CLCN1: variants seen among roughly 807,000 people sequenced by gnomAD.
CLCN1 encodes chloride channel protein 1.
Under a neutral mutation model 114.5 loss-of-function variants are expected in CLCN1, and 100 were observed. That is an observed-to-expected ratio of 0.87 (90% confidence interval 0.74 to 1.03). The LOEUF is 1.03. Ranked by LOEUF, CLCN1 falls within the 50% of genes least tolerant of loss-of-function variation. The pLI is 0.00. For synonymous variants in CLCN1, 485 were observed against 487.1 expected (o/e 1.00, Z 0.06); for missense variants, 1,188 against 1,250.0 (o/e 0.95, Z 0.75).
At chr7:143,323,507 A>C (rs1163474087) in intron 6 of CLCN1, 121 bp downstream of exon 6, 3 of 774,278 alleles carry the variant, frequency 3.9e-6, no homozygotes, top group Non-Finnish European at 7.1e-6. Context: ...GCAGCATCGC[A>C]CTAATCCACG....
chr7:143,321,244 C>G lies in CLCN1; in HGVS notation c.434-121C>G, dbSNP rs1802422670. ...TCCCATGTGTCAAATGAGAGCAGCA[C>G]CATCTCAGAAGGGGCACACAGAAGG... On this transcript the variant is annotated intron_variant, in intron 3 of 22. Transcript: ENST00000343257. This position sits in a 1 kb window ranked among gnomAD's most constrained non-coding sequence, Gnocchi z 4.2. 1.7e-6 allele frequency: 2 copies of G among 1,172,654 alleles called. No homozygotes were observed. Among genetic ancestry groups the G allele is most frequent in the Non-Finnish European group, 1.2e-6 (1 of 808,212 alleles). 72.6% of individuals were successfully genotyped at this position (1,172,654 alleles called of 1,614,324 possible).
intron 12 of CLCN1, among the ~76,000 whole-genome samples, chr7:143,333,991 G>T (rs1431876045): frequency 6.6e-6 from 1 of 152,146 alleles, no homozygotes; most frequent in East Asian, 1.9e-4. Context: ...AGAGAGGTGG[G>T]TCATCTGAGG....
chr7:143,339,478 G>T lies in CLCN1; in HGVS notation c.1472-33G>T, dbSNP rs750791080. On this transcript the variant is annotated intron_variant, in intron 13 of 22. Coordinates refer to ENST00000343257, the MANE Select transcript of CLCN1 (RefSeq NM_000083.3). The surrounding 1 kb of genome is among the most constrained non-coding windows in gnomAD (Gnocchi z 4.1). The stretch of plus-strand genomic sequence containing the variant: ...ACTGAGAGCAAGGAACTTGGATCTC[G>T]TAACACCTTCCTTCCTTTTATCTTC... 2 of 1,550,188 alleles carry T rather than the reference G, an allele frequency of 1.3e-6. No individual in the cohort carries two copies. The highest frequency in any genetic ancestry group is 2.2e-5 in the South Asian group (2 of 89,754).
In CLCN1 at chr7:143,339,351, G is replaced by C; in HGVS notation, c.1471+29G>C. 1.3e-6 allele frequency: 2 copies of C among 1,557,710 alleles called. No individual in the cohort carries two copies. The highest frequency in any genetic ancestry group is 1.8e-6 in the Non-Finnish European group (2 of 1,128,648). ...AGTTCTGATGGGAAGCCTGGGGTCTGACTGAGAGTTGCAATCTAGGATACA... is the reference window on the plus strand; with the variant it reads ...AGTTCTGATGGGAAGCCTGGGGTCTCACTGAGAGTTGCAATCTAGGATACA... On this transcript the variant is annotated intron_variant, in intron 13 of 22. Transcript: ENST00000343257. The surrounding 1 kb of genome is among the most constrained non-coding windows in gnomAD (Gnocchi z 4.1).
chr7:143,345,894 TCTGGTAA>T (rs1803229961), intron 17 of CLCN1, 132 bp downstream of exon 17: 2 of 1,264,526 alleles, frequency 1.6e-6, no homozygotes, highest in Admixed American at 2.2e-5. Flanking sequence ...GAGGGGAGAG[TCTGGTAA>T]CTGAGAAAGC....
intron 20 of CLCN1, among the ~76,000 whole-genome samples, chr7:143,349,794 G>A (rs547024286): frequency 1.3e-5 from 2 of 152,318 alleles, no homozygotes; most frequent in East Asian, 3.9e-4. Flanking sequence ...AAATGCAGAG[G>A]TAAGACAGAT....
At chr7:143,332,191 T>C (rs908738717) in intron 10 of CLCN1, among the ~76,000 whole-genome samples, 4 of 152,332 alleles carry the variant, frequency 2.6e-5, no homozygotes, top group African/African-American at 7.2e-5. Flanking sequence ...CTTGAACTTG[T>C]GACCTAAGGT....
At chr7:143,325,474 A>G (rs1311055196) in intron 7 of CLCN1, among the ~76,000 whole-genome samples, 1 of 152,252 alleles carries the variant, frequency 6.6e-6, no homozygotes, top group African/African-American at 2.4e-5. Context: ...TAAGGAACCC[A>G]AGTTAGCAAG....
chr7:143,343,710 C>T (rs1287359044), intron 16 of CLCN1, among the ~76,000 whole-genome samples: 1 of 151,582 alleles, frequency 6.6e-6, no homozygotes, highest in Admixed American at 6.6e-5. Context: ...TCCTTCCTTT[C>T]TTTCTCTTTC....
At chr7:143,319,704 A>ATTT in intron 1 of CLCN1, 51 bp from the exon 2 acceptor site, 4 of 1,602,434 alleles carry the variant, frequency 2.5e-6, no homozygotes, top group Admixed American at 1.7e-5. Flanking sequence ...TCTGTCTATT[A>ATTT]TTTTTTTAGT....
chr7:143,349,759 G>T (rs1293569557), intron 20 of CLCN1, among the ~76,000 whole-genome samples: 1 of 152,202 alleles, frequency 6.6e-6, no homozygotes, highest in Admixed American at 6.5e-5. Flanking sequence ...ATATACAGCA[G>T]CCGATACCAC....
Position 143,332,787 on chromosome 7 carries a change from G to A in CLCN1, c.1315G>A (p.Asp439Asn). Residue 439 changes from aspartate to asparagine, a missense_variant, in exon 12 of 23, where the codon GAT (aspartate) becomes AAT (asparagine). Asp to Asn is a conservative substitution (Grantham distance 23). Coordinates refer to ENST00000343257, the MANE Select transcript of CLCN1 (RefSeq NM_000083.3). The part of the protein sequence containing the change: ...DNNTWVKHAG[D>N]PESLGQSAVW... ...CAATACATGGGTGAAACACGCGGGT[G>A]ATCCTGAGAGCCTGGGCCAGTCAGC... is the stretch of plus-strand genomic sequence containing the variant. The A allele has an allele frequency of 6.2e-7, 1 of 1,614,090 alleles. No individual in the cohort carries two copies. The highest frequency in any genetic ancestry group is 2.2e-5 in the East Asian group (1 of 44,884).
Position 143,342,375 on chromosome 7 carries a change from A to G in CLCN1, c.1800A>G (p.Lys600=). ...ACCATGCTTTCTCCCTCCATAGCAA[A>G]TATACCATCTTTGTTGAGGACATCA... is the stretch of plus-strand genomic sequence containing the variant. ...LPDLGWNQLS[K]YTIFVEDIMV... is the part of the protein sequence containing the mutation. The change falls in exon 16 of 23, where the codon AAA becomes AAG. Residue 600 remains lysine (K), a synonymous_variant. Coordinates refer to ENST00000343257, the MANE Select transcript of CLCN1 (RefSeq NM_000083.3). The G allele has an allele frequency of 6.2e-7, 1 of 1,614,196 alleles. No homozygotes were observed.
chr7:143,345,595 C>G lies in CLCN1; in HGVS notation c.2005C>G (p.Arg669Gly). 2 of 1,552,554 alleles carry G rather than the reference C, an allele frequency of 1.3e-6. No homozygotes were observed. ...ALLQRHLCPERRLRAAQEMAR... is the reference protein window; with the variant it reads ...ALLQRHLCPEGRLRAAQEMAR... ...CCTGCAGCGCCACCTGTGTCCTGAGCGCAGGCTGCGCGCAGCCCAAGAGAT... is the reference window on the plus strand; with the variant it reads ...CCTGCAGCGCCACCTGTGTCCTGAGGGCAGGCTGCGCGCAGCCCAAGAGAT... Residue 669 changes from arginine (R) to glycine (G), a missense_variant, in exon 17 of 23, where the codon CGC becomes GGC. By Grantham distance (125) the Arg-to-Gly change is moderately radical. Transcript: ENST00000343257.
At chr7:143,351,319 T>C (rs1311859619) in intron 22 of CLCN1, among the ~76,000 whole-genome samples, 1 of 152,098 alleles carries the variant, frequency 6.6e-6, no homozygotes, top group Non-Finnish European at 1.5e-5. Flanking sequence ...TGGGGGGATG[T>C]GGCTGCAGGT....
At chr7:143,332,900 C>T in intron 12 of CLCN1, 27 bp downstream of exon 12, 1 of 1,612,822 alleles carries the variant, frequency 6.2e-7, no homozygotes, top group Non-Finnish European at 8.5e-7. Context: ...TAGCAACACC[C>T]TAAACCTCCA....
intron 17 of CLCN1, 100 bp from the exon 18 acceptor site, chr7:143,346,040 A>G (rs1586516160): frequency 1.1e-6 from 1 of 893,760 alleles, no homozygotes; most frequent in East Asian, 2.5e-5. Flanking sequence ...TGGGGGGAAG[A>G]ATAGAGTTCG....
chr7:143,339,443 G>T lies in CLCN1; in HGVS notation c.1472-68G>T. On this transcript the variant is annotated intron_variant, in intron 13 of 22. Transcript: ENST00000343257. This position sits in a 1 kb window ranked among gnomAD's most constrained non-coding sequence, Gnocchi z 4.1. ...TGTTCTTAATGCCCAAGGAGAGATT[G>T]GTTCTGAAAACTGAGAGCAAGGAAC... 2 of 1,402,260 alleles carry T rather than the reference G, an allele frequency of 1.4e-6. No homozygotes were observed. The highest frequency in any genetic ancestry group is 1.4e-5 in the African/African-American group (1 of 70,668). 86.9% of individuals were successfully genotyped at this position (1,402,260 alleles called of 1,614,324 possible).
chr7:143,346,108 C>T, intron 17 of CLCN1, 32 bp from the exon 18 acceptor site: 1 of 1,401,708 alleles, frequency 7.1e-7, no homozygotes, highest in South Asian at 1.2e-5. Context: ...AGTCTCTGCT[C>T]CCAGGCTGAG....
Sources: allele counts gnomAD v4.1 joint callset (sites outside exome capture counted in the v4.1 genomes callset), GRCh38; gene constraint gnomAD v4.1.1; non-coding constraint Gnocchi (gnomAD v3.1); transcripts MANE v1.5; gene names NCBI Gene and HGNC (gene_info 2026-07-23, HGNC 2026-07-21).